MYOF: variants seen among roughly 807,000 people sequenced by gnomAD.
MYOF encodes the protein fer-1-like 3, myoferlin.
In MYOF, 244 loss-of-function variants were observed where a neutral mutation model predicts 284.2. The ratio of observed to expected loss-of-function variants is 0.86; its 90% CI spans 0.77 to 0.95. The LOEUF (loss-of-function observed/expected upper bound fraction) is 0.95. MYOF is among the 40% of genes least tolerant of loss of function. The pLI is 0.00. For missense variants in MYOF, 2,496 were observed against 2,560.6 expected (o/e 0.97, Z 0.54); for synonymous variants, 904 against 919.7 (o/e 0.98, Z 0.31).
intron 43 of MYOF, 119 bp from the exon 44 acceptor site, chr10:93,329,953 A>G (rs918440495): frequency 8.5e-5 from 88 of 1,031,070 alleles, no homozygotes; most frequent in Middle Eastern, 4.2e-4. Context: ...AGGACATCTG[A>G]GCAGGATAAC....
intron 3 of MYOF, among the ~76,000 whole-genome samples, chr10:93,431,746 CTT>C (rs35400002): frequency 6.8e-5 from 9 of 131,756 alleles, no homozygotes; most frequent in Admixed American, 7.8e-5. Context: ...TCTTTCTTTT[CTT>C]TTTTTTTTTT....
At chr10:93,468,568 G>T (rs1036647964) in intron 1 of MYOF, among the ~76,000 whole-genome samples, 2 of 152,192 alleles carry the variant, frequency 1.3e-5, no homozygotes, top group African/African-American at 4.8e-5. Flanking sequence ...CAAATGCAAA[G>T]CGCGGAGTGA....
intron 3 of MYOF, among the ~76,000 whole-genome samples, chr10:93,434,430 CAAA>C (rs71031508): frequency 0.16 from 19,681 of 124,368 alleles, 1,374 homozygotes; most frequent in Middle Eastern, 0.22. Flanking sequence ...GACCCTGTCT[CAAA>C]AAAAAAAAAA....
intron 3 of MYOF, among the ~76,000 whole-genome samples, chr10:93,435,045 G>A (rs1203512041): frequency 6.6e-6 from 1 of 152,144 alleles, no homozygotes; most frequent in African/African-American, 2.4e-5. Flanking sequence ...AAAAACTAGA[G>A]GTTTAAAAGT....
In MYOF at chr10:93,431,477, A is replaced by G; in HGVS notation, c.276T>C (p.Thr92=). Residue 92 remains threonine (T), a synonymous_variant, in exon 4 of 54, where the codon ACT becomes ACC. Transcript: ENST00000359263. The part of the protein sequence containing the change: ...GTATVALKDL[T]GDQSRSLPYK... ...ACGGCAGGGATCTGCTCTGGTCACCAGTCAGGTCCTTCAGGGCTACAGTCG... is the reference window on the plus strand; with the variant it reads ...ACGGCAGGGATCTGCTCTGGTCACCGGTCAGGTCCTTCAGGGCTACAGTCG... 6.2e-7 allele frequency: 1 copy of G among 1,614,066 alleles called. No individual in the cohort carries two copies. Among genetic ancestry groups the G allele is most frequent in the Non-Finnish European group, 8.5e-7 (1 of 1,179,958 alleles).
intron 38 of MYOF, among the ~76,000 whole-genome samples, chr10:93,342,143 T>C (rs149020231): frequency 2.9e-4 from 44 of 152,292 alleles, no homozygotes; most frequent in African/African-American, 9.6e-4. Context: ...GTTTCCGGAG[T>C]GTGACACTGT....
intron 48 of MYOF, among the ~76,000 whole-genome samples, chr10:93,321,218 C>T (rs1842826521): frequency 6.6e-6 from 1 of 152,094 alleles, no homozygotes; most frequent in South Asian, 2.1e-4. Flanking sequence ...GTAGGATTCC[C>T]AGGTCAGTCT....
chr10:93,472,553 C>T (rs982463172), intron 1 of MYOF, among the ~76,000 whole-genome samples: 18 of 151,942 alleles, frequency 1.2e-4, no homozygotes, highest in Admixed American at 2.0e-4. Context: ...GCAGGAGAAT[C>T]GCTTGAACCC....
intron 17 of MYOF, among the ~76,000 whole-genome samples, chr10:93,390,751 C>A (rs1589489752): frequency 6.6e-6 from 1 of 151,456 alleles, no homozygotes; most frequent in African/African-American, 2.4e-5. Flanking sequence ...AGAATTAAAG[C>A]AGAGACTCAC....
intron 1 of MYOF, among the ~76,000 whole-genome samples, chr10:93,475,599 C>T (rs2057241784): frequency 6.6e-6 from 1 of 152,202 alleles, no homozygotes; most frequent in Admixed American, 6.5e-5. Context: ...ATTAAGGTGT[C>T]TGAAATTTCC....
chr10:93,339,872 G>A (rs988760249), intron 39 of MYOF, among the ~76,000 whole-genome samples: 14 of 152,002 alleles, frequency 9.2e-5, no homozygotes, highest in African/African-American at 3.4e-4. Flanking sequence ...GAGGTCAGGA[G>A]ATCGAGACCA....
chr10:93,472,998 A>G (rs541652137), intron 1 of MYOF, among the ~76,000 whole-genome samples: 11 of 152,224 alleles, frequency 7.2e-5, no homozygotes, highest in Admixed American at 1.3e-4. Flanking sequence ...CCTGTGAGGT[A>G]TAGATTATTC....
At chr10:93,441,862 C>G (rs138094813) in intron 3 of MYOF, among the ~76,000 whole-genome samples, 2 of 151,930 alleles carry the variant, frequency 1.3e-5, no homozygotes, top group African/African-American at 4.8e-5. Flanking sequence ...CGTGCCCGGC[C>G]GAGAGTTAGT....
At chr10:93,410,424 T>G (rs1847853399) in intron 5 of MYOF, among the ~76,000 whole-genome samples, 1 of 152,178 alleles carries the variant, frequency 6.6e-6, no homozygotes, top group Admixed American at 6.5e-5. Flanking sequence ...CATTAGATCC[T>G]GCTACCTCCT....
intron 1 of MYOF, among the ~76,000 whole-genome samples, chr10:93,468,850 G>A (rs2057070682): frequency 6.6e-6 from 1 of 152,188 alleles, no homozygotes; most frequent in Non-Finnish European, 1.5e-5. Flanking sequence ...GTTTGTCAGT[G>A]GGGCCTGGGA....
intron 5 of MYOF, among the ~76,000 whole-genome samples, chr10:93,424,017 G>A (rs2134183655): frequency 6.6e-6 from 1 of 152,252 alleles, no homozygotes; most frequent in African/African-American, 2.4e-5. Context: ...AGATGCCAAG[G>A]AAGGCGGGCA....
chr10:93,350,070 T>G, intron 35 of MYOF, 101 bp from the exon 36 acceptor site: 1 of 1,207,990 alleles, frequency 8.3e-7, no homozygotes, highest in East Asian at 2.6e-5. Context: ...GTCTTTAAGA[T>G]TAATTTGAAC....
chr10:93,329,546 C>CCTA, intron 44 of MYOF, 118 bp downstream of exon 44: 1 of 1,028,772 alleles, frequency 9.7e-7, no homozygotes, highest in Non-Finnish European at 1.4e-6. Context: ...GAAATCCATA[C>CCTA]CTGAGTGATA....
In MYOF at chr10:93,310,513, A is replaced by G. The variant is rs766544556; in HGVS notation, c.5999+21T>C. 9.6e-5 allele frequency: 155 copies of G among 1,610,388 alleles called. 2 individuals are homozygous for G. The South Asian group carries it at 1.6e-3, about 17-fold the overall frequency. On this transcript the variant is annotated intron_variant, in intron 52 of 53. Coordinates refer to ENST00000359263, the MANE Select transcript of MYOF (RefSeq NM_013451.4). Reference sequence around the variant, plus strand: ...AGCCTGCAGGTGTTTGGGGAGTGGGAGAACAAAGAAGGCCTCTCACTTTGG... The same window carrying G: ...AGCCTGCAGGTGTTTGGGGAGTGGGGGAACAAAGAAGGCCTCTCACTTTGG...
Sources: allele counts gnomAD v4.1 joint callset (sites outside exome capture counted in the v4.1 genomes callset), GRCh38; gene constraint gnomAD v4.1.1; transcripts MANE v1.5; gene names NCBI Gene and HGNC (gene_info 2026-07-23, HGNC 2026-07-21).